CLNS1A: variants seen among roughly 807,000 people sequenced by gnomAD.
The protein encoded by CLNS1A is chloride nucleotide-sensitive channel 1A, also known as methylosome subunit pICln.
A neutral mutation model predicts 29.4 loss-of-function variants in CLNS1A; 16 were observed. The ratio of observed to expected loss-of-function variants is 0.54; its 90% CI spans 0.37 to 0.83. CLNS1A has a LOEUF of 0.83. Among genes scored for constraint, CLNS1A ranks in the 40% least tolerant of loss-of-function variants. The pLI is 0.00. For missense variants in CLNS1A, 235 were observed against 287.4 expected (o/e 0.82, Z 1.32); for synonymous variants, 96 against 104.8 (o/e 0.92, Z 0.51).
Position 77,619,685 on chromosome 11 carries a change from C to T in CLNS1A, c.657G>A (p.Glu219=). ...DSIRDYEDGM[E]VDTTPTVAGQ... is the part of the protein sequence containing the mutation. The stretch of plus-strand genomic sequence containing the variant: ...CAGCAACTGTTGGTGTGGTATCCAC[C>T]TCCATCCCATCTAAACAAAAAAATT... Residue 219 remains glutamate (E), a synonymous_variant, in exon 6 of 7, where the codon GAG becomes GAA. Transcript: ENST00000525428. 6.2e-7 allele frequency: 1 copy of T among 1,613,098 alleles called. No homozygotes were observed. Among genetic ancestry groups the T allele is most frequent in the Middle Eastern group, 1.6e-4 (1 of 6,062 alleles).
chr11:77,624,412 T>C (rs1366021087), intron 4 of CLNS1A, among the ~76,000 whole-genome samples: 1 of 152,188 alleles, frequency 6.6e-6, no homozygotes, highest in Non-Finnish European at 1.5e-5. Flanking sequence ...TTTCCTCCCA[T>C]ATGCTCTACT....
At chr11:77,630,180 C>G (rs757933376) in intron 1 of CLNS1A, among the ~76,000 whole-genome samples, 1 of 152,136 alleles carries the variant, frequency 6.6e-6, no homozygotes, top group African/African-American at 2.4e-5. Context: ...CATGCTTACT[C>G]TTTTTTGGTA....
chr11:77,623,829 T>C (rs951466489), intron 4 of CLNS1A, among the ~76,000 whole-genome samples: 3 of 152,174 alleles, frequency 2.0e-5, no homozygotes, highest in African/African-American at 7.2e-5. Flanking sequence ...AGCAGGTACT[T>C]CAAGCTATAA....
At chr11:77,635,980 C>G (rs1959121200) in intron 1 of CLNS1A, among the ~76,000 whole-genome samples, 1 of 152,220 alleles carries the variant, frequency 6.6e-6, no homozygotes, top group African/African-American at 2.4e-5. Flanking sequence ...TCTGAGATAT[C>G]TAATCCATTT....
At chr11:77,624,507 C>T (rs555206697) in intron 4 of CLNS1A, among the ~76,000 whole-genome samples, 13 of 152,016 alleles carry the variant, frequency 8.6e-5, no homozygotes, top group African/African-American at 2.9e-4. Flanking sequence ...AGTGTTCTAC[C>T]GTGTCATTCT....
At chr11:77,637,411 G>A (rs1271966756) in intron 1 of CLNS1A, among the ~76,000 whole-genome samples, 179 bp downstream of exon 1, 1 of 150,608 alleles carries the variant, frequency 6.6e-6, no homozygotes, top group East Asian at 1.9e-4. Context: ...GAAGACTCCG[G>A]AGGAGTACTA....
chr11:77,625,629 AGG>A, intron 3 of CLNS1A, 86 bp downstream of exon 3: 1 of 1,037,466 alleles, frequency 9.6e-7, no homozygotes, highest in Non-Finnish European at 1.4e-6. Flanking sequence ...TAAAGGTGAG[AGG>A]TGTGTGTGTG....
intron 6 of CLNS1A, chr11:77,618,564 G>A (rs2135758507): frequency 6.6e-6 from 1 of 152,344 alleles, no homozygotes; most frequent in South Asian, 2.1e-4. Context: ...AGTTCCACTG[G>A]CAGGATGTGA....
chr11:77,628,120 G>A (rs1590800430), intron 2 of CLNS1A, among the ~76,000 whole-genome samples: 1 of 152,240 alleles, frequency 6.6e-6, no homozygotes, highest in African/African-American at 2.4e-5. Flanking sequence ...CACTGTGCCC[G>A]GCCTAATGAC....
At chr11:77,617,352 A>C (rs1191754846) in intron 6 of CLNS1A, among the ~76,000 whole-genome samples, 4 of 123,062 alleles carry the variant, frequency 3.3e-5, no homozygotes, top group Non-Finnish European at 3.2e-5. Context: ...GGGCAACAAG[A>C]GCGAAACTCC....
intron 2 of CLNS1A, among the ~76,000 whole-genome samples, 198 bp from the exon 3 acceptor site, chr11:77,626,016 C>T (rs565534389): frequency 3.6e-4 from 55 of 152,286 alleles, no homozygotes; most frequent in African/African-American, 1.1e-3. Flanking sequence ...TCGAGATCCA[C>T]GCACCTTGGC....
chr11:77,637,585 C>T lies in CLNS1A; in HGVS notation c.125+5G>A, dbSNP rs1959145876. 6.2e-7 allele frequency: 1 copy of T among 1,601,328 alleles called. No homozygotes were observed. The highest frequency in any genetic ancestry group is 1.3e-5 in the African/African-American group (1 of 74,596). On this transcript the variant is annotated splice_donor_5th_base_variant and intron_variant, in intron 1 of 6. Transcript: ENST00000525428. ...GAGGCCAGCGCTGGGGACCAGGAACCCTACCTCTCAGCGATGTAAAGGGTA... is the reference window on the plus strand; with the variant it reads ...GAGGCCAGCGCTGGGGACCAGGAACTCTACCTCTCAGCGATGTAAAGGGTA...
chr11:77,634,794 T>C (rs1313379523), intron 1 of CLNS1A, among the ~76,000 whole-genome samples: 1 of 137,422 alleles, frequency 7.3e-6, no homozygotes, highest in African/African-American at 2.7e-5. Context: ...CTGAAACAAA[T>C]AATGTTTAAT....
At chr11:77,623,954 T>C (rs1331284761) in intron 4 of CLNS1A, among the ~76,000 whole-genome samples, 1 of 152,130 alleles carries the variant, frequency 6.6e-6, no homozygotes, top group Admixed American at 6.5e-5. Flanking sequence ...AGTGAGCTGT[T>C]TGAAGGAACA....
chr11:77,637,341 A>G (rs1315874299), intron 1 of CLNS1A, among the ~76,000 whole-genome samples: 2 of 97,886 alleles, frequency 2.0e-5, no homozygotes, highest in South Asian at 2.9e-4. Context: ...AAAAAAAGAA[A>G]AAAAAAAAAA....
chr11:77,622,217 T>G (rs775786608), intron 5 of CLNS1A, among the ~76,000 whole-genome samples: 1 of 152,194 alleles, frequency 6.6e-6, no homozygotes, highest in Non-Finnish European at 1.5e-5. Flanking sequence ...TAATAGTGGA[T>G]ATCTCTCAGT....
chr11:77,624,939 C>T lies in CLNS1A; in HGVS notation c.472+24G>A. 3 of 1,502,004 alleles carry T rather than the reference C, an allele frequency of 2.0e-6. No homozygotes were observed. In the South Asian group the frequency reaches 3.5e-5, roughly 17 times the overall value. The allele number at this position is 1,502,004 out of a possible 1,614,324, so 93.0% of individuals were successfully genotyped here. ...TGAAACACTAAACAAACAAAAAACCCACTTTAAAATCCATTTCACTAACCA... is the reference window on the plus strand; with the variant it reads ...TGAAACACTAAACAAACAAAAAACCTACTTTAAAATCCATTTCACTAACCA... On this transcript the variant is annotated intron_variant, in intron 4 of 6. Transcript: ENST00000525428.
At chr11:77,628,261 G>C (rs948856271) in intron 2 of CLNS1A, among the ~76,000 whole-genome samples, 3 of 152,216 alleles carry the variant, frequency 2.0e-5, no homozygotes, top group Admixed American at 1.3e-4. Context: ...TTTCACACCA[G>C]CATCTGGAGT....
chr11:77,630,700 G>T (rs1285005522), intron 1 of CLNS1A, among the ~76,000 whole-genome samples: 1 of 152,134 alleles, frequency 6.6e-6, no homozygotes, highest in Admixed American at 6.5e-5. Flanking sequence ...TGAGCTTTCA[G>T]TAGAGGCTAG....
Sources: allele counts gnomAD v4.1 joint callset (sites outside exome capture counted in the v4.1 genomes callset), GRCh38; gene constraint gnomAD v4.1.1; transcripts MANE v1.5; gene names NCBI Gene and HGNC (gene_info 2026-07-23, HGNC 2026-07-21).